The following TENM3 variants were observed in gnomAD, a reference collection of about 807,000 sequenced individuals.
TENM3 encodes the protein teneurin transmembrane protein 3.
In TENM3, 63 loss-of-function variants were observed where a neutral mutation model predicts 255.1. The ratio of observed to expected loss-of-function variants is 0.25; its 90% CI spans 0.20 to 0.30. The LOEUF is 0.30. Ranked by LOEUF, TENM3 falls within the 10% of genes least tolerant of loss-of-function variation. TENM3 has a pLI of 1.00. For synonymous variants in TENM3, 1,306 were observed against 1,322.3 expected (o/e 0.99, Z 0.27); for missense variants, 2,929 against 3,461.1 (o/e 0.85, Z 3.86).
chr4:182,749,066 A>G (rs1194209977), intron 19 of TENM3, among the ~76,000 whole-genome samples: 1 of 152,168 alleles, frequency 6.6e-6, no homozygotes, highest in Non-Finnish European at 1.5e-5. Flanking sequence ...TTTTGCACCA[A>G]GAAAACTCAC....
chr4:181,793,674 A>G, the TENM3 span, among the ~76,000 whole-genome samples: 1 of 152,188 alleles, frequency 6.6e-6, no homozygotes, highest in Non-Finnish European at 1.5e-5. Flanking sequence ...CTCCCCAGCT[A>G]TGATCAAGAG....
At chr4:182,380,905 C>T (rs1399175096) in intron 3 of TENM3, among the ~76,000 whole-genome samples, 1 of 152,180 alleles carries the variant, frequency 6.6e-6, no homozygotes, top group African/African-American at 2.4e-5. Context: ...CTTTGCCTTC[C>T]TGACCTCATA....
the TENM3 span, among the ~76,000 whole-genome samples, chr4:181,605,535 A>AAAGT: frequency 8.2e-5 from 2 of 24,510 alleles, no homozygotes; most frequent in Non-Finnish European, 2.4e-4. Context: ...AGAAAGAAAG[A>AAAGT]AAGAAAGAAA....
At chr4:182,696,338 A>G (rs1332930421) in intron 12 of TENM3, among the ~76,000 whole-genome samples, 1 of 152,192 alleles carries the variant, frequency 6.6e-6, no homozygotes, top group Non-Finnish European at 1.5e-5. Context: ...AAATATTACA[A>G]AAATCGTTGT....
At chr4:181,891,864 G>A in the TENM3 span, among the ~76,000 whole-genome samples, 3 of 152,136 alleles carry the variant, frequency 2.0e-5, no homozygotes, top group Non-Finnish European at 2.9e-5. Flanking sequence ...TAGTATGGCG[G>A]AAAGGGGAGA....
chr4:182,400,513 A>G (rs1015223116), intron 3 of TENM3, among the ~76,000 whole-genome samples: 3 of 152,212 alleles, frequency 2.0e-5, no homozygotes, highest in Non-Finnish European at 2.9e-5. Flanking sequence ...AGTACTGTTG[A>G]TATTGTAAAG....
At chr4:182,518,805 T>C (rs184732517) in intron 3 of TENM3, among the ~76,000 whole-genome samples, 8 of 152,300 alleles carry the variant, frequency 5.3e-5, no homozygotes, top group Non-Finnish European at 8.8e-5. Flanking sequence ...TAAGATTAAA[T>C]GGTAATTTGT....
At chr4:182,712,092 AT>A (rs1758790570) in intron 12 of TENM3, among the ~76,000 whole-genome samples, 1 of 152,208 alleles carries the variant, frequency 6.6e-6, no homozygotes. Context: ...ATGTTTCAAA[AT>A]ATATGTGGTA....
At chr4:181,482,392 A>G in the TENM3 span, among the ~76,000 whole-genome samples, 1 of 152,008 alleles carries the variant, frequency 6.6e-6, no homozygotes, top group Non-Finnish European at 1.5e-5. Flanking sequence ...CATTGGTTTG[A>G]CTTTTGTTTC....
the TENM3 span, among the ~76,000 whole-genome samples, chr4:181,509,558 C>T: frequency 2.6e-5 from 4 of 152,104 alleles, no homozygotes; most frequent in African/African-American, 4.8e-5. Context: ...TAGATTCCAT[C>T]CACAGAATTG....
chr4:182,066,450 G>A, the TENM3 span, among the ~76,000 whole-genome samples: 2 of 152,006 alleles, frequency 1.3e-5, no homozygotes, highest in Admixed American at 6.6e-5. Flanking sequence ...TCTGGGTTCC[G>A]CCACAGCCTC....
the TENM3 span, among the ~76,000 whole-genome samples, chr4:182,091,119 A>T: frequency 2.0e-5 from 3 of 152,208 alleles, no homozygotes; most frequent in Non-Finnish European, 4.4e-5. Context: ...TTCAGAATGG[A>T]GAAAAGTAGA....
At chr4:181,695,754 C>G in the TENM3 span, among the ~76,000 whole-genome samples, 1 of 152,146 alleles carries the variant, frequency 6.6e-6, no homozygotes, top group Non-Finnish European at 1.5e-5. Flanking sequence ...CTTCGTTAAG[C>G]AGAGCCGGTT....
At chr4:181,789,709 A>G in the TENM3 span, among the ~76,000 whole-genome samples, 2 of 152,128 alleles carry the variant, frequency 1.3e-5, no homozygotes, top group South Asian at 2.1e-4. Context: ...ATGCAGGGTC[A>G]GGGCTGGAGA....
the TENM3 span, among the ~76,000 whole-genome samples, chr4:181,663,535 G>C: frequency 8.7e-3 from 1,324 of 152,204 alleles, 12 homozygotes; most frequent in Non-Finnish European, 0.015. Context: ...ACAAAAAGCT[G>C]GGTAGAATTT....
chr4:181,708,209 T>C, the TENM3 span, among the ~76,000 whole-genome samples: 1 of 152,230 alleles, frequency 6.6e-6, no homozygotes, highest in South Asian at 2.1e-4. Flanking sequence ...GGCTAATTGT[T>C]CTTAAGCCCT....
At chr4:181,758,797 AG>A in the TENM3 span, among the ~76,000 whole-genome samples, 5 of 152,186 alleles carry the variant, frequency 3.3e-5, no homozygotes, top group African/African-American at 1.2e-4. Flanking sequence ...GAGCACATGT[AG>A]TTCTGTTTCC....
At chr4:182,442,040 G>T (rs544772778) in intron 3 of TENM3, among the ~76,000 whole-genome samples, 6 of 152,130 alleles carry the variant, frequency 3.9e-5, no homozygotes, top group Non-Finnish European at 7.4e-5. Flanking sequence ...ACTATTCTTG[G>T]TGAATCAGGC....
At chr4:182,361,286 G>T (rs1765958009) in intron 3 of TENM3, among the ~76,000 whole-genome samples, 1 of 152,194 alleles carries the variant, frequency 6.6e-6, no homozygotes, top group South Asian at 2.1e-4. Context: ...GATTGGGGAA[G>T]TTCTCCTGGA....
Sources: gnomAD v4.1 joint callset for allele counts (sites outside exome capture counted in the v4.1 genomes callset) on GRCh38, gnomAD v4.1.1 for gene constraint, MANE v1.5 for transcripts, NCBI Gene and HGNC (gene_info 2026-07-23, HGNC 2026-07-21) for gene names.